Variants in CDH4 observed in about 807,000 individuals in gnomAD.
CDH4 encodes the protein cadherin-4.
In CDH4, 33 loss-of-function variants were observed where a neutral mutation model predicts 86.0. The observed-to-expected ratio is 0.38, with a 90% CI of 0.29 to 0.51. The LOEUF is 0.51. Among genes scored for constraint, CDH4 ranks in the 20% least tolerant of loss-of-function variants. The pLI, the probability that CDH4 is intolerant of heterozygous loss-of-function variation, is 0.86. For missense variants in CDH4, 1,114 were observed against 1,307.4 expected (o/e 0.85, Z 2.28); for synonymous variants, 555 against 549.4 (o/e 1.01, Z -0.14).
At chr20:61,485,088 G>T (rs2085588769) in intron 2 of CDH4, among the ~76,000 whole-genome samples, 1 of 152,098 alleles carries the variant, frequency 6.6e-6, no homozygotes, top group Non-Finnish European at 1.5e-5. Context: ...AAATGAATTG[G>T]CATGCTGTGC....
At chr20:61,828,150 A>G (rs897274448) in intron 4 of CDH4, among the ~76,000 whole-genome samples, 1 of 152,204 alleles carries the variant, frequency 6.6e-6, no homozygotes, top group South Asian at 2.1e-4. Flanking sequence ...TAATGAAATA[A>G]TGGGTCTAGA....
At chr20:61,593,678 T>C (rs2086533692) in intron 2 of CDH4, among the ~76,000 whole-genome samples, 1 of 152,166 alleles carries the variant, frequency 6.6e-6, no homozygotes, top group African/African-American at 2.4e-5. Flanking sequence ...TCACCAGTTA[T>C]GGTTGTTTCT....
intron 2 of CDH4, among the ~76,000 whole-genome samples, chr20:61,696,537 A>G (rs1163576306): frequency 2.6e-5 from 4 of 152,170 alleles, no homozygotes; most frequent in Non-Finnish European, 5.9e-5. Flanking sequence ...CCTCCACAAC[A>G]TGGTCCTTAA....
intron 7 of CDH4, among the ~76,000 whole-genome samples, chr20:61,876,238 C>G (rs1984019507): frequency 6.6e-6 from 1 of 152,244 alleles, no homozygotes; most frequent in African/African-American, 2.4e-5. Flanking sequence ...ACAGACTGCC[C>G]CACCTGCGTG....
At chr20:61,622,747 G>A (rs771740518) in intron 2 of CDH4, among the ~76,000 whole-genome samples, 5 of 152,220 alleles carry the variant, frequency 3.3e-5, no homozygotes, top group Non-Finnish European at 5.9e-5. Flanking sequence ...ACCTGCATCC[G>A]TGGTCTCTGC....
At chr20:61,784,649 G>A (rs6089277) in intron 4 of CDH4, among the ~76,000 whole-genome samples, 2,365 of 53,182 alleles carry the variant, frequency 0.044, 410 homozygotes, top group East Asian at 0.086. Flanking sequence ...AGTTCCTCGG[G>A]ACAGTTCTCG....
intron 2 of CDH4, among the ~76,000 whole-genome samples, chr20:61,568,797 G>A (rs963277668): frequency 2.6e-5 from 4 of 152,156 alleles, no homozygotes; most frequent in African/African-American, 9.7e-5. Context: ...CAAGATACTG[G>A]GTCTCCTGGC....
chr20:61,320,019 T>C (rs2084499647), intron 2 of CDH4, among the ~76,000 whole-genome samples: 1 of 152,156 alleles, frequency 6.6e-6, no homozygotes, highest in Non-Finnish European at 1.5e-5. Flanking sequence ...CAATGGTATT[T>C]TGTTGAGCAC....
chr20:61,761,651 G>A (rs1289702611), intron 3 of CDH4, among the ~76,000 whole-genome samples: 2 of 152,176 alleles, frequency 1.3e-5, no homozygotes, highest in Non-Finnish European at 2.9e-5. Context: ...GTCAAAGGCC[G>A]GTGGCTTTGG....
rs147822364 is a variant in CDH4 at position 61,588,051 on chromosome 20, C to T, written c.170-155512C>T. On this transcript the variant is annotated intron_variant, in intron 2 of 15. Coordinates refer to ENST00000614565, the MANE Select transcript of CDH4 (RefSeq NM_001794.5). ...TAAATGATGTCCTGGTGCAGCTGTG[C>T]AGAACTTGCTGTTCACACTGAATAA... Among the ~76,000 whole-genome samples, 536 of 152,302 alleles carry T rather than the reference C, an allele frequency of 3.5e-3. 4 individuals carry two copies. The highest frequency in any genetic ancestry group is 3.8e-3 in the Non-Finnish European group (257 of 68,036).
intron 2 of CDH4, among the ~76,000 whole-genome samples, chr20:61,293,150 G>A (rs1477610843): frequency 1.3e-5 from 2 of 151,916 alleles, no homozygotes; most frequent in Non-Finnish European, 2.9e-5. Flanking sequence ...CAGAGAGACA[G>A]GGAGACTTTT....
At chr20:61,621,676 A>AT (rs1487496754) in intron 2 of CDH4, among the ~76,000 whole-genome samples, 1 of 152,248 alleles carries the variant, frequency 6.6e-6, no homozygotes, top group Non-Finnish European at 1.5e-5. Flanking sequence ...ACAGCTGGGC[A>AT]TTGCACTAGC....
intron 2 of CDH4, among the ~76,000 whole-genome samples, chr20:61,323,521 G>A (rs1356652482): frequency 6.6e-6 from 1 of 152,210 alleles, no homozygotes; most frequent in Non-Finnish European, 1.5e-5. Flanking sequence ...TTGGCCACCT[G>A]ACGTCGGAGC....
intron 2 of CDH4, among the ~76,000 whole-genome samples, chr20:61,615,240 G>C (rs2086716189): frequency 6.6e-6 from 1 of 151,908 alleles, no homozygotes; most frequent in Admixed American, 6.5e-5. Context: ...TCCTGTCTCA[G>C]CCTCCCGAGT....
At chr20:61,744,636 C>T (rs1262097759) in intron 3 of CDH4, among the ~76,000 whole-genome samples, 1 of 152,038 alleles carries the variant, frequency 6.6e-6, no homozygotes, top group African/African-American at 2.4e-5. Context: ...AAAACATCTG[C>T]TGTTCAGGAT....
At chr20:61,299,889 G>C (rs78909187) in intron 2 of CDH4, among the ~76,000 whole-genome samples, 130 of 152,272 alleles carry the variant, frequency 8.5e-4, no homozygotes, top group Middle Eastern at 3.4e-3. Context: ...GCACTTCCCC[G>C]GGGGCATGAC....
chr20:61,548,343 G>T (rs2086103832), intron 2 of CDH4, among the ~76,000 whole-genome samples: 1 of 152,138 alleles, frequency 6.6e-6, no homozygotes, highest in Non-Finnish European at 1.5e-5. Context: ...GGAGGGAAAA[G>T]GGCCCAACTT....
intron 2 of CDH4, among the ~76,000 whole-genome samples, chr20:61,635,546 A>G (rs535228917): frequency 8.5e-5 from 13 of 152,114 alleles, no homozygotes; most frequent in African/African-American, 3.1e-4. Context: ...GTTCTGTTTG[A>G]CTGCAGGCAT....
intron 2 of CDH4, among the ~76,000 whole-genome samples, chr20:61,362,394 A>AG (rs765784758): frequency 8.6e-4 from 130 of 151,174 alleles, no homozygotes; most frequent in Non-Finnish European, 1.6e-3. Flanking sequence ...GATGTGGCCT[A>AG]GGACAGCGTA....
Sources: allele counts gnomAD v4.1 joint callset (sites outside exome capture counted in the v4.1 genomes callset), GRCh38; gene constraint gnomAD v4.1.1; transcripts MANE v1.5; gene names NCBI Gene and HGNC (gene_info 2026-07-23, HGNC 2026-07-21).